The following RBFOX3 variants were observed in gnomAD, a reference collection of about 807,000 sequenced individuals.
RBFOX3 encodes the protein RNA binding fox-1 homolog 3.
Under a neutral mutation model 48.7 loss-of-function variants are expected in RBFOX3, and 17 were observed. That is an observed-to-expected ratio of 0.35 (90% confidence interval 0.24 to 0.52). The LOEUF (loss-of-function observed/expected upper bound fraction) is 0.52, where lower values mean the gene tolerates loss of function less well. Among genes scored for constraint, RBFOX3 ranks in the 20% least tolerant of loss-of-function variants. The pLI, the probability that RBFOX3 is intolerant of heterozygous loss-of-function variation, is 0.94. For synonymous variants in RBFOX3, 212 were observed against 209.5 expected (o/e 1.01, Z -0.10); for missense variants, 382 against 497.5 (o/e 0.77, Z 2.21).
chr17:79,168,647 C>A (rs1222892121), intron 4 of RBFOX3, among the ~76,000 whole-genome samples: 1 of 152,252 alleles, frequency 6.6e-6, no homozygotes, highest in African/African-American at 2.4e-5. Context: ...TCCACATCCG[C>A]TGATGAATGC....
Position 79,280,102 on chromosome 17 carries a change from ACATGTGTATG to A in RBFOX3, c.-74+27612_-74+27621del, listed in dbSNP as rs1303726809. Among the ~76,000 whole-genome samples, 5 of 114,248 alleles carry A rather than the reference ACATGTGTATG, an allele frequency of 4.4e-5. No individual in the cohort carries two copies. In the East Asian group the frequency reaches 1.4e-3, roughly 31 times the overall value. 75.0% of individuals were successfully genotyped at this position (114,248 alleles called of 152,430 possible). ...GTTGTAGACAGAAGGCACAGCATGC[ACATGTGTATG>A]CACACACACACGCACATACATGTCA... On this transcript the variant is annotated intron_variant, in intron 3 of 14. Transcript: ENST00000693108.
At chr17:79,230,354 G>A (rs1168575923) in intron 4 of RBFOX3, among the ~76,000 whole-genome samples, 5 of 152,082 alleles carry the variant, frequency 3.3e-5, no homozygotes, top group Non-Finnish European at 5.9e-5. Context: ...CTGCCTCCTG[G>A]GTTCAAGCGA....
chr17:79,391,410 C>T lies in RBFOX3; in HGVS notation c.-174-83586G>A, dbSNP rs1485068148. Reference sequence around the variant, plus strand: ...GATTGGTGAACACTCGGGCAGGTTACCTAACTTCTCTGAGCCTCAGTCTCC... The same window carrying T: ...GATTGGTGAACACTCGGGCAGGTTATCTAACTTCTCTGAGCCTCAGTCTCC... On this transcript the variant is annotated intron_variant, in intron 2 of 14. Transcript: ENST00000693108. The surrounding 1 kb of genome is among the most constrained non-coding windows in gnomAD (Gnocchi z 5.0). Among the ~76,000 whole-genome samples, 1 of 152,166 alleles carries T rather than the reference C, an allele frequency of 6.6e-6. No individual in the cohort carries two copies. Among genetic ancestry groups the T allele is most frequent in the African/African-American group, 2.4e-5 (1 of 41,432 alleles).
In RBFOX3 at chr17:79,115,572, G is replaced by A; in HGVS notation, c.144C>T (p.Tyr48=). The change falls in exon 5 of 15, where the codon TAC becomes TAT. Residue 48 remains tyrosine (Y), a synonymous_variant. Coordinates refer to ENST00000693108, the MANE Select transcript of RBFOX3 (RefSeq NM_001350451.2). The part of the protein sequence containing the change: ...PVPTEHGMTL[Y]TPAQTHPEQP... The stretch of plus-strand genomic sequence containing the variant: ...GCTCGGGGTGGGTCTGTGCTGGTGT[G>A]TACAGGGTCATGCCATGCTCTGTGG... 1 of 1,423,242 alleles carries A rather than the reference G, an allele frequency of 7.0e-7. No homozygotes were observed. The allele number at this position is 1,423,242 out of a possible 1,614,324, so 88.2% of individuals were successfully genotyped here. A position where few individuals can be genotyped will look rare whatever the true frequency, so the allele number is the denominator to read the frequency against.
chr17:79,299,900 C>T lies in RBFOX3; in HGVS notation c.-74+7824G>A, dbSNP rs974252765. Among the ~76,000 whole-genome samples, 10 of 151,728 alleles carry T rather than the reference C, an allele frequency of 6.6e-5. No homozygotes were observed. The highest frequency in any genetic ancestry group is 2.4e-4 in the African/African-American group (10 of 41,266). ...CACACAGGCCTCCAAAGGAATCTGC[C>T]GACACTCTTTTTTTTTTTTTTTGAG... On this transcript the variant is annotated intron_variant, in intron 3 of 14. Coordinates refer to ENST00000693108, the MANE Select transcript of RBFOX3 (RefSeq NM_001350451.2). The surrounding 1 kb of genome is among the most constrained non-coding windows in gnomAD (Gnocchi z 4.5).
intron 4 of RBFOX3, among the ~76,000 whole-genome samples, chr17:79,133,411 CTGAGCACCTACT>C (rs1299068713): frequency 6.6e-6 from 1 of 151,384 alleles, no homozygotes; most frequent in African/African-American, 2.4e-5. Flanking sequence ...ACTAGGTTTG[CTGAGCACCTACT>C]AGCCATCTCT....
chr17:79,567,015 C>G (rs2092479318), intron 1 of RBFOX3, among the ~76,000 whole-genome samples: 1 of 152,102 alleles, frequency 6.6e-6, no homozygotes, highest in Non-Finnish European at 1.5e-5. Flanking sequence ...AGGACTCACT[C>G]CTCCTATCTA....
intron 4 of RBFOX3, among the ~76,000 whole-genome samples, chr17:79,190,319 G>T (rs1240247203): frequency 3.3e-5 from 5 of 151,262 alleles, no homozygotes; most frequent in African/African-American, 1.2e-4. Flanking sequence ...GCTGAGGCAG[G>T]AGAATCACTT....
intron 3 of RBFOX3, among the ~76,000 whole-genome samples, chr17:79,285,140 CCTT>C (rs1344034372): frequency 2.6e-5 from 4 of 152,212 alleles, no homozygotes; most frequent in African/African-American, 9.7e-5. Flanking sequence ...TTGAAAATCT[CCTT>C]CTACGACGCA....
chr17:79,133,958 T>C (rs990567942), intron 4 of RBFOX3, among the ~76,000 whole-genome samples: 2 of 152,238 alleles, frequency 1.3e-5, no homozygotes, highest in African/African-American at 4.8e-5. Context: ...TTCTGTTTTC[T>C]GCATATTCAT....
chr17:79,138,273 C>T (rs2040740325), intron 4 of RBFOX3, among the ~76,000 whole-genome samples: 1 of 152,162 alleles, frequency 6.6e-6, no homozygotes, highest in African/African-American at 2.4e-5. Context: ...CCTGTATTCC[C>T]CATGTGCATA....
At chr17:79,647,119 A>G in the RBFOX3 span, among the ~76,000 whole-genome samples, 2 of 151,868 alleles carry the variant, frequency 1.3e-5, no homozygotes, top group Non-Finnish European at 2.9e-5. Context: ...AGAGGACTTC[A>G]TCTGCTCATG....
At position 79,216,759 on chromosome 17, in the gene RBFOX3, C is replaced by A. The variant is rs145215394; in HGVS notation, c.-34+19007G>T. 6.9e-3 allele frequency among the ~76,000 whole-genome samples: 1,049 copies of A among 152,284 alleles called. 5 individuals carry two copies. The highest frequency in any genetic ancestry group is 0.012 in the Non-Finnish European group (785 of 68,016). On this transcript the variant is annotated intron_variant, in intron 4 of 14. Coordinates refer to ENST00000693108, the MANE Select transcript of RBFOX3 (RefSeq NM_001350451.2). ...CACGCAAACAGTAATTTTCACCCAA[C>A]CTGATCTCACTTTACAGATGAGCCA...
intron 5 of RBFOX3, among the ~76,000 whole-genome samples, chr17:79,114,605 G>A (rs548420346): frequency 1.4e-4 from 21 of 152,352 alleles, no homozygotes; most frequent in Middle Eastern, 3.4e-3. Context: ...AGTCGGGAGG[G>A]GGACCCCCAT....
intron 3 of RBFOX3, among the ~76,000 whole-genome samples, chr17:79,260,650 G>A (rs1232921361): frequency 1.3e-5 from 2 of 152,194 alleles, no homozygotes; most frequent in Non-Finnish European, 2.9e-5. Flanking sequence ...GGCCACACTG[G>A]CCTGAGGCTG....
At chr17:79,525,727 G>A (rs2086708644) in intron 1 of RBFOX3, among the ~76,000 whole-genome samples, 1 of 152,150 alleles carries the variant, frequency 6.6e-6, no homozygotes, top group African/African-American at 2.4e-5. Flanking sequence ...CTAAGCTTGG[G>A]TTTTTGTAGA....
chr17:79,113,822 A>G (rs1359086586), intron 5 of RBFOX3, among the ~76,000 whole-genome samples: 1 of 152,146 alleles, frequency 6.6e-6, no homozygotes, highest in African/African-American at 2.4e-5. Flanking sequence ...CTCAGTGCCA[A>G]TTCAGTGCCT....
At chr17:79,410,736 GCA>G (rs1304716001) in intron 2 of RBFOX3, among the ~76,000 whole-genome samples, 1 of 152,142 alleles carries the variant, frequency 6.6e-6, no homozygotes, top group Non-Finnish European at 1.5e-5. Flanking sequence ...CTCATCAGTG[GCA>G]CATGCACGCC....
At chr17:79,648,978 C>CTTTTTT in the RBFOX3 span, among the ~76,000 whole-genome samples, 1 of 133,220 alleles carries the variant, frequency 7.5e-6, no homozygotes, top group Admixed American at 7.5e-5. Flanking sequence ...TGAAAAATGT[C>CTTTTTT]TTTTTTTTTT....
Sources: gnomAD v4.1 joint callset for allele counts (sites outside exome capture counted in the v4.1 genomes callset) on GRCh38, gnomAD v4.1.1 for gene constraint, Gnocchi (gnomAD v3.1) non-coding constraint, MANE v1.5 for transcripts, NCBI Gene and HGNC (gene_info 2026-07-23, HGNC 2026-07-21) for gene names.